Variants in CDH23 observed in about 807,000 individuals in gnomAD.
CDH23 encodes the protein cadherin related 23.
In CDH23, 189 loss-of-function variants were observed where a neutral mutation model predicts 317.1. That is an observed-to-expected ratio of 0.60 (90% CI 0.53 to 0.67). The LOEUF is 0.67. CDH23 is among the 30% of genes least tolerant of loss of function. The pLI, the probability that CDH23 is intolerant of heterozygous loss-of-function variation, is 0.00. For synonymous variants in CDH23, 1,839 were observed against 1,876.8 expected (o/e 0.98, Z 0.52); for missense variants, 4,401 against 4,592.4 (o/e 0.96, Z 1.20).
At chr10:71,765,702 G>T (rs1451896615) in intron 38 of CDH23, among the ~76,000 whole-genome samples, 1 of 152,096 alleles carries the variant, frequency 6.6e-6, no homozygotes, top group African/African-American at 2.4e-5. Context: ...AGGGGGCATT[G>T]CTCAATCCCC....
At chr10:71,498,722 G>A (rs1194802237) in intron 3 of CDH23, among the ~76,000 whole-genome samples, 1 of 152,206 alleles carries the variant, frequency 6.6e-6, no homozygotes, top group Non-Finnish European at 1.5e-5. Flanking sequence ...TGATGCATTG[G>A]GTTGTAGGGG....
At chr10:71,405,378 C>T (rs758869861) in intron 1 of CDH23, among the ~76,000 whole-genome samples, 52 of 151,824 alleles carry the variant, frequency 3.4e-4, no homozygotes, top group Non-Finnish European at 6.8e-4. Context: ...CTTTCTCAGA[C>T]ACTCTATGGG....
intron 59 of CDH23, 30 bp downstream of exon 59, chr10:71,807,797 G>A (rs1285932302): frequency 6.3e-7 from 1 of 1,584,118 alleles, no homozygotes; most frequent in Non-Finnish European, 8.6e-7. Flanking sequence ...GGCACGAGGT[G>A]TGGGGTGGCC....
chr10:71,500,204 G>C (rs1398161661), intron 3 of CDH23, among the ~76,000 whole-genome samples: 3 of 152,150 alleles, frequency 2.0e-5, no homozygotes, highest in African/African-American at 7.2e-5. Context: ...TACACATTGT[G>C]TATGTATCAA....
intron 3 of CDH23, among the ~76,000 whole-genome samples, chr10:71,456,541 C>T (rs190625611): frequency 2.0e-5 from 3 of 151,924 alleles, no homozygotes; most frequent in South Asian, 2.1e-4. Flanking sequence ...GGGTATGGGG[C>T]GGGGCTGGTG....
rs964658411 is a variant in CDH23, at chr10:71,679,567, G to T, written c.1858+75G>T. On this transcript the variant is annotated intron_variant, in intron 17 of 69. Transcript: ENST00000224721. ...CTCTCTGCACTCACACCTCCCTTGTGGGGATGAGGCGGGCACTCCTTGTCT... is the reference window on the plus strand; with the variant it reads ...CTCTCTGCACTCACACCTCCCTTGTTGGGATGAGGCGGGCACTCCTTGTCT... The T allele has an allele frequency of 7.6e-6, 9 of 1,185,432 alleles. No individual in the cohort carries two copies. In the African/African-American group the frequency reaches 1.2e-4, roughly 16 times the overall value. 73.4% of individuals were successfully genotyped at this position (1,185,432 alleles called of 1,614,324 possible).
At chr10:71,783,118 T>C (rs1841001435) in intron 41 of CDH23, among the ~76,000 whole-genome samples, 1 of 152,208 alleles carries the variant, frequency 6.6e-6, no homozygotes, top group South Asian at 2.1e-4. Flanking sequence ...AAAGGGAAAG[T>C]GAAGGAGGTA....
rs1363299912 is a variant in CDH23 at position 71,667,389 on chromosome 10, TGTGTGTGC to T, written c.1450-7721_1450-7714del. Among the ~76,000 whole-genome samples the T allele has an allele frequency of 2.5e-4, 38 of 149,024 alleles. 1 individual carries two copies. The highest frequency in any genetic ancestry group is 3.4e-3 in the Middle Eastern group (1 of 294). ...GTGTGTGTGTGTGTGTGTGTGTGTG[TGTGTGTGC>T]GCGTGTGTGTGTGAGGGGTGGAGGT... On this transcript the variant is annotated intron_variant, in intron 14 of 69. Transcript: ENST00000224721.
At chr10:71,510,048 A>G (rs1853869342) in intron 3 of CDH23, 34 bp from the exon 4 acceptor site, 2 of 1,613,634 alleles carry the variant, frequency 1.2e-6, no homozygotes, top group South Asian at 1.1e-5. Context: ...GACCTCTCTT[A>G]TTTTCCCTCT....
Position 71,815,158 on chromosome 10 carries a change from GACCGCTGCCGAGGCC to G in CDH23, c.9948_9962del (p.Ala3318_Ala3322del). ...GCCTGGGCCGCTCGCTGGAGACGCT[GACCGCTGCCGAGGCC>G]ACTGCCTTCGAGCGCAACGCCCGCA... is the stretch of plus-strand genomic sequence containing the variant. On this transcript the variant is annotated inframe_deletion, in exon 70 of 70. Transcript: ENST00000224721. 1 of 1,611,290 alleles carries G rather than the reference GACCGCTGCCGAGGCC, an allele frequency of 6.2e-7. No individual in the cohort carries two copies. Among genetic ancestry groups the G allele is most frequent in the Non-Finnish European group, 8.5e-7 (1 of 1,178,974 alleles).
rs769217509 is a variant in CDH23 at position 71,677,710 on chromosome 10, C to T, written c.1752+17C>T. 4.2e-5 allele frequency: 65 copies of T among 1,530,456 alleles called. No individual in the cohort carries two copies. Among genetic ancestry groups the T allele is most frequent in the Non-Finnish European group, 5.7e-5 (64 of 1,127,778 alleles). The allele number at this position is 1,530,456 out of a possible 1,614,324, so 94.8% of individuals were successfully genotyped here. ...CGGCTCCGGGTAAGGTGCCAGGGAGCCCTGCACTCCTGCCATTTATCTTAG... is the reference window on the plus strand; with the variant it reads ...CGGCTCCGGGTAAGGTGCCAGGGAGTCCTGCACTCCTGCCATTTATCTTAG... On this transcript the variant is annotated intron_variant, in intron 16 of 69. Transcript: ENST00000224721.
At chr10:71,734,716 G>A (rs955140698) in intron 34 of CDH23, 58 bp downstream of exon 34, 26 of 1,167,082 alleles carry the variant, frequency 2.2e-5, no homozygotes, top group Middle Eastern at 2.2e-4. Flanking sequence ...AGTGCTGGCC[G>A]GGCTCTGCCT....
intron 69 of CDH23, among the ~76,000 whole-genome samples, chr10:71,814,657 C>A (rs1218284698): frequency 1.3e-5 from 2 of 149,362 alleles, no homozygotes; most frequent in Non-Finnish European, 3.0e-5. Flanking sequence ...CACACACACA[C>A]ACACAATTTT....
At chr10:71,529,942 C>G (rs746906) in intron 6 of CDH23, among the ~76,000 whole-genome samples, 2,632 of 152,084 alleles carry the variant, frequency 0.017, 74 homozygotes, top group African/African-American at 0.059. Context: ...CCCACCCACC[C>G]CAGCCTGCAG....
chr10:71,604,585 A>C (rs1189411230), intron 9 of CDH23, among the ~76,000 whole-genome samples: 1 of 152,176 alleles, frequency 6.6e-6, no homozygotes, highest in Non-Finnish European at 1.5e-5. Context: ...GCCTCTCCTG[A>C]CAGCTTCCTG....
intron 38 of CDH23, among the ~76,000 whole-genome samples, chr10:71,763,505 C>T (rs369372417): frequency 6.6e-6 from 1 of 152,180 alleles, no homozygotes; most frequent in South Asian, 2.1e-4. Flanking sequence ...GGACCCTCGG[C>T]GGCAGGCTGG....
chr10:71,568,928 C>T (rs1302871176), intron 7 of CDH23, among the ~76,000 whole-genome samples: 3 of 152,224 alleles, frequency 2.0e-5, no homozygotes, highest in Non-Finnish European at 4.4e-5. Flanking sequence ...AGGTATGGGA[C>T]AGAGAGGGCC....
intron 41 of CDH23, among the ~76,000 whole-genome samples, chr10:71,781,651 C>A (rs1840957863): frequency 6.6e-6 from 1 of 152,152 alleles, no homozygotes; most frequent in Admixed American, 6.5e-5. Flanking sequence ...TTGGGATGAG[C>A]CTTAAGAATT....
At chr10:71,803,670 G>T (rs1003171353) in intron 55 of CDH23, among the ~76,000 whole-genome samples, 2 of 152,086 alleles carry the variant, frequency 1.3e-5, no homozygotes, top group African/African-American at 2.4e-5. Context: ...GGCTGTGCTA[G>T]TAAAAGATCT....
Sources: allele counts gnomAD v4.1 joint callset (sites outside exome capture counted in the v4.1 genomes callset), GRCh38; gene constraint gnomAD v4.1.1; transcripts MANE v1.5; gene names NCBI Gene and HGNC (gene_info 2026-07-23, HGNC 2026-07-21).